ADAMTSL3: variants seen among roughly 807,000 people sequenced by gnomAD.
ADAMTSL3 encodes ADAMTS like 3.
Under a neutral mutation model 201.7 loss-of-function variants are expected in ADAMTSL3, and 128 were observed. The ratio of observed to expected loss-of-function variants is 0.63; its 90% CI spans 0.55 to 0.73. ADAMTSL3 has a LOEUF of 0.73. Among genes scored for constraint, ADAMTSL3 ranks in the 30% least tolerant of loss-of-function variants. The pLI is 0.00. For missense variants in ADAMTSL3, 1,990 were observed against 2,119.6 expected, an observed-to-expected ratio of 0.94 and a Z score of 1.20; for synonymous variants, 738 against 748.4, an observed-to-expected ratio of 0.99 and a Z score of 0.23.
chr15:83,705,115 T>G (rs2061830808), intron 3 of ADAMTSL3, among the ~76,000 whole-genome samples: 1 of 152,192 alleles, frequency 6.6e-6, no homozygotes, highest in African/African-American at 2.4e-5. Flanking sequence ...GATGCCATAA[T>G]AGCATTTAAG....
intron 2 of ADAMTSL3, among the ~76,000 whole-genome samples, chr15:83,684,748 C>T (rs973925391): frequency 1.1e-4 from 16 of 144,664 alleles, no homozygotes; most frequent in African/African-American, 3.0e-4. Flanking sequence ...ATGAAGACAT[C>T]AGAATTCTTT....
Position 83,900,059 on chromosome 15 carries a change from T to C in ADAMTSL3, c.1700+328T>C, listed in dbSNP as rs745736261. The stretch of plus-strand genomic sequence containing the variant: ...ATGAACCATCATAGTATCATACAAA[T>C]AAACCAGTCATTCCATGGGTAAGTC... On this transcript the variant is annotated intron_variant, in intron 15 of 29. Transcript: ENST00000286744. Among the ~76,000 whole-genome samples, 5 of 152,200 alleles carry C rather than the reference T, an allele frequency of 3.3e-5. No individual in the cohort carries two copies. In the East Asian group the frequency reaches 9.6e-4, roughly 29 times the overall value.
At chr15:83,759,449 T>C (rs1656778103) in intron 3 of ADAMTSL3, among the ~76,000 whole-genome samples, 1 of 152,120 alleles carries the variant, frequency 6.6e-6, no homozygotes, top group African/African-American at 2.4e-5. Context: ...ATGGTCTTGA[T>C]CTCCTGACCT....
chr15:83,887,143 G>A (rs2065409576), intron 10 of ADAMTSL3, among the ~76,000 whole-genome samples: 1 of 152,144 alleles, frequency 6.6e-6, no homozygotes, highest in African/African-American at 2.4e-5. Context: ...ACCCCAGAGT[G>A]TGGCTCATCC....
intron 9 of ADAMTSL3, among the ~76,000 whole-genome samples, chr15:83,884,519 C>A (rs2065349939): frequency 6.6e-6 from 1 of 151,736 alleles, no homozygotes; most frequent in South Asian, 2.1e-4. Context: ...AAGTGATCTA[C>A]CTGCCTTGAC....
intron 2 of ADAMTSL3, among the ~76,000 whole-genome samples, chr15:83,671,926 C>T (rs541798136): frequency 6.6e-6 from 1 of 152,268 alleles, no homozygotes; most frequent in Admixed American, 6.5e-5. Context: ...GCTGATTTTG[C>T]CTCTGGGTTG....
intron 19 of ADAMTSL3, among the ~76,000 whole-genome samples, chr15:83,950,023 C>G (rs1361727687): frequency 6.6e-6 from 1 of 151,964 alleles, no homozygotes; most frequent in Non-Finnish European, 1.5e-5. Context: ...CATGTGATCC[C>G]ATTTGTCCAT....
intron 2 of ADAMTSL3, among the ~76,000 whole-genome samples, chr15:83,674,744 T>TACACACATATAC (rs2061374834): frequency 7.7e-6 from 1 of 129,854 alleles, no homozygotes; most frequent in Non-Finnish European, 1.6e-5. Context: ...CACACATATA[T>TACACACATATAC]ACATATATAC....
chr15:83,821,875 AC>A (rs1311432449), intron 6 of ADAMTSL3, among the ~76,000 whole-genome samples: 10 of 144,614 alleles, frequency 6.9e-5, no homozygotes, highest in African/African-American at 1.0e-4. Context: ...CTGGGGGCTG[AC>A]CCCCCCAACT....
intron 28 of ADAMTSL3, among the ~76,000 whole-genome samples, chr15:84,032,210 G>C (rs1404636462): frequency 1.3e-5 from 2 of 152,196 alleles, no homozygotes; most frequent in Non-Finnish European, 2.9e-5. Context: ...TAATGATTTA[G>C]CTTAGTGTGA....
intron 20 of ADAMTSL3, among the ~76,000 whole-genome samples, chr15:83,974,142 T>A (rs2067241471): frequency 2.6e-5 from 4 of 152,204 alleles, no homozygotes; most frequent in Admixed American, 2.6e-4. Flanking sequence ...TTCCTGCTCC[T>A]GAAGGGTCAA....
At chr15:83,937,228 T>A (rs2066477043) in intron 17 of ADAMTSL3, among the ~76,000 whole-genome samples, 1 of 150,966 alleles carries the variant, frequency 6.6e-6, no homozygotes, top group East Asian at 1.9e-4. Flanking sequence ...ACCGCAGCAC[T>A]ATTCACAATA....
chr15:83,721,660 G>A (rs910342743), intron 3 of ADAMTSL3, among the ~76,000 whole-genome samples: 1 of 152,132 alleles, frequency 6.6e-6, no homozygotes, highest in Non-Finnish European at 1.5e-5. Flanking sequence ...ACTCTTAGAT[G>A]TTGCCTTCTT....
At chr15:83,863,478 C>A (rs1273637435) in intron 8 of ADAMTSL3, among the ~76,000 whole-genome samples, 1 of 152,198 alleles carries the variant, frequency 6.6e-6, no homozygotes, top group African/African-American at 2.4e-5. Context: ...AAACTGCTAA[C>A]TATATGGAAA....
Position 83,970,446 on chromosome 15 carries a change from A to G in ADAMTSL3, c.2491-38A>G, listed in dbSNP as rs115343448. The stretch of plus-strand genomic sequence containing the variant: ...TGTTGTTGGCTGGGTCTGCCTGCTC[A>G]TGCTCCATTTGACTCTGTTGCACAA... On this transcript the variant is annotated intron_variant, in intron 19 of 29. Transcript: ENST00000286744. 1.4e-5 allele frequency: 22 copies of G among 1,612,936 alleles called. No homozygotes were observed. The African/African-American group carries it at 2.4e-4, about 18-fold the overall frequency.
chr15:83,783,154 G>A (rs1272236659), intron 4 of ADAMTSL3, among the ~76,000 whole-genome samples: 1 of 151,224 alleles, frequency 6.6e-6, no homozygotes, highest in East Asian at 1.9e-4. Context: ...GTGTTCAAAT[G>A]TCCTTGAATT....
intron 19 of ADAMTSL3, among the ~76,000 whole-genome samples, chr15:83,959,789 TCTC>T (rs1039205507): frequency 6.6e-6 from 1 of 152,206 alleles, no homozygotes; most frequent in Non-Finnish European, 1.5e-5. Flanking sequence ...GATTATGACA[TCTC>T]CTCTCTCTGT....
chr15:83,855,520 G>T (rs1249279614), intron 7 of ADAMTSL3, among the ~76,000 whole-genome samples: 1 of 152,148 alleles, frequency 6.6e-6, no homozygotes, highest in Non-Finnish European at 1.5e-5. Flanking sequence ...TGGGAATTGG[G>T]CATTGAAGGA....
chr15:83,938,915 A>G (rs976024394), intron 17 of ADAMTSL3, among the ~76,000 whole-genome samples: 3 of 152,144 alleles, frequency 2.0e-5, no homozygotes, highest in African/African-American at 7.2e-5. Flanking sequence ...TCTATTCTCC[A>G]GCCCTCTCTC....
Sources: gnomAD v4.1 joint callset for allele counts (sites outside exome capture counted in the v4.1 genomes callset) on GRCh38, gnomAD v4.1.1 for gene constraint, MANE v1.5 for transcripts, NCBI Gene and HGNC (gene_info 2026-07-23, HGNC 2026-07-21) for gene names.